ELOVL2: variants seen among roughly 807,000 people sequenced by gnomAD.
ELOVL2 encodes the protein ELOVL fatty acid elongase 2.
In ELOVL2, 38 loss-of-function variants were observed where a neutral mutation model predicts 37.7. The ratio of observed to expected loss-of-function variants is 1.01; its 90% CI spans 0.78 to 1.32. ELOVL2 has a LOEUF of 1.32. Among genes scored for constraint, ELOVL2 ranks in the 40% most tolerant of loss-of-function variants. ELOVL2 has a pLI of 0.00. For missense variants in ELOVL2, 352 were observed against 363.6 expected (o/e 0.97, Z 0.26); for synonymous variants, 115 against 122.3 (o/e 0.94, Z 0.40).
intron 1 of ELOVL2, among the ~76,000 whole-genome samples, chr6:11,018,714 A>G (rs531827171): frequency 7.9e-5 from 12 of 152,320 alleles, no homozygotes; most frequent in Non-Finnish European, 1.8e-4. Context: ...GGCTATTGAA[A>G]TTGGTTTAGA....
At chr6:10,996,433 G>A (rs1354163325) in intron 4 of ELOVL2, among the ~76,000 whole-genome samples, 1 of 152,128 alleles carries the variant, frequency 6.6e-6, no homozygotes, top group African/African-American at 2.4e-5. Flanking sequence ...ACTTTGGGAG[G>A]CCGAGGTGGG....
At chr6:11,026,332 C>G (rs1782837493) in intron 1 of ELOVL2, among the ~76,000 whole-genome samples, 1 of 152,186 alleles carries the variant, frequency 6.6e-6, no homozygotes, top group Non-Finnish European at 1.5e-5. Flanking sequence ...CCCGCCAACT[C>G]ATTTGCATAG....
rs2113578215 is a variant in ELOVL2, at chr6:11,044,219, C to A, written c.3+9G>T. 7.0e-7 allele frequency: 1 copy of A among 1,432,402 alleles called. No homozygotes were observed. The allele number at this position is 1,432,402 out of a possible 1,614,324, so 88.7% of individuals were successfully genotyped here. A position where few individuals can be genotyped will look rare whatever the true frequency, so the allele number is the denominator to read the frequency against. Reference sequence around the variant, plus strand: ...GGCGGTGTCGGTGGCGGCGCGCGGCCCCACTCACCATGATCCGCAGCGGCT... The same window carrying A: ...GGCGGTGTCGGTGGCGGCGCGCGGCACCACTCACCATGATCCGCAGCGGCT... On this transcript the variant is annotated intron_variant, in intron 1 of 7. Transcript: ENST00000354666. This position sits in a 1 kb window ranked among gnomAD's most constrained non-coding sequence, Gnocchi z 5.6.
intron 1 of ELOVL2, among the ~76,000 whole-genome samples, chr6:11,035,645 G>A (rs1474226426): frequency 6.6e-6 from 1 of 152,146 alleles, no homozygotes; most frequent in Non-Finnish European, 1.5e-5. Flanking sequence ...ATGCTGTAGG[G>A]TCTAGATTTT....
intron 1 of ELOVL2, among the ~76,000 whole-genome samples, chr6:11,029,431 G>T (rs1224169273): frequency 6.6e-6 from 1 of 152,100 alleles, no homozygotes. Context: ...AAGACTCAAT[G>T]ATTTCATACT....
At position 10,989,754 on chromosome 6, in the gene ELOVL2, C is replaced by T; in HGVS notation, c.714G>A (p.Gln238=). ...TGACTAACGTTAGCATATAAGATGA[C>T]TGGAAGATGAGACAACCGAAGGGGA... ...CGFPFGCLIF[Q]SSYMLTLVIL... Residue 238 remains glutamine (Q), a synonymous_variant, in exon 7 of 8, where the codon CAG becomes CAA. Coordinates refer to ENST00000354666, the MANE Select transcript of ELOVL2 (RefSeq NM_017770.4). 6.2e-7 allele frequency: 1 copy of T among 1,614,028 alleles called. No individual in the cohort carries two copies. The highest frequency in any genetic ancestry group is 8.5e-7 in the Non-Finnish European group (1 of 1,179,962).
At chr6:10,989,670 C>T (rs1361420759) in intron 7 of ELOVL2, 33 bp downstream of exon 7, 3 of 1,595,798 alleles carry the variant, frequency 1.9e-6, no homozygotes, top group Non-Finnish European at 2.6e-6. Context: ...CAATCGATTA[C>T]ATTTTACTGC....
At chr6:10,988,684 G>C (rs180771706) in intron 7 of ELOVL2, among the ~76,000 whole-genome samples, 80 of 152,336 alleles carry the variant, frequency 5.3e-4, no homozygotes, top group African/African-American at 1.9e-3. Context: ...CAAAAGTATA[G>C]TTTTGAATAT....
intron 1 of ELOVL2, among the ~76,000 whole-genome samples, chr6:11,039,357 C>T (rs892619254): frequency 6.6e-6 from 1 of 152,194 alleles, no homozygotes; most frequent in African/African-American, 2.4e-5. Flanking sequence ...TTAGAAAGCA[C>T]TGCATAAACA....
intron 1 of ELOVL2, among the ~76,000 whole-genome samples, chr6:11,017,055 T>C (rs577932212): frequency 6.6e-6 from 1 of 152,256 alleles, no homozygotes; most frequent in South Asian, 2.1e-4. Flanking sequence ...AACTCTAAAT[T>C]GTTATTATGT....
At chr6:11,042,806 C>T (rs16870906) in intron 1 of ELOVL2, among the ~76,000 whole-genome samples, 11,659 of 152,082 alleles carry the variant, frequency 0.077, 1,319 homozygotes, top group African/African-American at 0.25. Context: ...TTACTCCCCA[C>T]CTGTGCATTA....
chr6:11,003,770 C>T (rs998891072), intron 3 of ELOVL2, among the ~76,000 whole-genome samples: 3 of 152,150 alleles, frequency 2.0e-5, no homozygotes, highest in Non-Finnish European at 4.4e-5. Flanking sequence ...GATTCGTGAG[C>T]ACCTATGTGA....
At position 10,995,106 on chromosome 6, in the gene ELOVL2, G is replaced by T; in HGVS notation, c.406C>A (p.Arg136=). ...EFLDTIFFVL[R]KKTSQITFLH... is the part of the protein sequence containing the mutation. Reference sequence around the variant, plus strand: ...AAAGTAATCTGACTCGTTTTTTTCCGCAAAACGAAGAAAATTGTGTCCAGG... The same window carrying T: ...AAAGTAATCTGACTCGTTTTTTTCCTCAAAACGAAGAAAATTGTGTCCAGG... The change falls in exon 5 of 8, where the codon CGG becomes AGG. Residue 136 remains arginine (R), a synonymous_variant. Transcript: ENST00000354666. 1 of 1,612,218 alleles carries T rather than the reference G, an allele frequency of 6.2e-7. No homozygotes were observed. The highest frequency in any genetic ancestry group is 8.5e-7 in the Non-Finnish European group (1 of 1,178,762).
At chr6:10,992,583 G>T (rs1392557821) in intron 5 of ELOVL2, among the ~76,000 whole-genome samples, 2 of 152,026 alleles carry the variant, frequency 1.3e-5, no homozygotes, top group Non-Finnish European at 2.9e-5. Context: ...AAGGTCAAGA[G>T]ATCAAGACCA....
At chr6:11,033,767 G>A (rs1419114738) in intron 1 of ELOVL2, among the ~76,000 whole-genome samples, 1 of 152,066 alleles carries the variant, frequency 6.6e-6, no homozygotes, top group Non-Finnish European at 1.5e-5. Context: ...ATCCTCCCCA[G>A]AAGAAAAATC....
intron 4 of ELOVL2, among the ~76,000 whole-genome samples, chr6:10,996,513 C>A (rs1037608933): frequency 2.0e-5 from 3 of 151,610 alleles, no homozygotes; most frequent in African/African-American, 7.3e-5. Flanking sequence ...ACTAAAAATA[C>A]AAAAAAATTA....
intron 1 of ELOVL2, among the ~76,000 whole-genome samples, chr6:11,015,394 T>C (rs1232596139): frequency 2.0e-5 from 3 of 151,816 alleles, no homozygotes; most frequent in African/African-American, 4.8e-5. Flanking sequence ...CAAAAATGGA[T>C]CTATGTAATT....
At chr6:10,985,077 C>A (rs1038870948) in intron 7 of ELOVL2, among the ~76,000 whole-genome samples, 4 of 152,130 alleles carry the variant, frequency 2.6e-5, no homozygotes, top group African/African-American at 9.7e-5. Context: ...GAGATGTTAT[C>A]TCATTGTGGT....
At chr6:11,030,060 T>C (rs916499845) in intron 1 of ELOVL2, among the ~76,000 whole-genome samples, 3 of 152,210 alleles carry the variant, frequency 2.0e-5, no homozygotes, top group Non-Finnish European at 4.4e-5. Flanking sequence ...ATAAATGTAA[T>C]TGGTTGCAGC....
Sources: allele counts gnomAD v4.1 joint callset (sites outside exome capture counted in the v4.1 genomes callset), GRCh38; gene constraint gnomAD v4.1.1; non-coding constraint Gnocchi (gnomAD v3.1); transcripts MANE v1.5; gene names NCBI Gene and HGNC (gene_info 2026-07-23, HGNC 2026-07-21).